TRHDE: variants seen among roughly 807,000 people sequenced by gnomAD.
TRHDE encodes the protein thyrotropin-releasing hormone-degrading ectoenzyme.
TRHDE carries 72 observed loss-of-function variants against 125.7 expected under a neutral mutation model. The ratio of observed to expected loss-of-function variants is 0.57; its 90% CI spans 0.47 to 0.70. The LOEUF is 0.70. Ranked by LOEUF, TRHDE falls within the 30% of genes least tolerant of loss-of-function variation. The probability of loss-of-function intolerance (pLI) is 0.00; values close to 1 mark genes in which losing one functional copy is unlikely to be tolerated. For missense variants in TRHDE, 1,110 were observed against 1,327.1 expected (o/e 0.84, Z 2.54); for synonymous variants, 509 against 509.1 (o/e 1.00, Z 0.00).
At chr12:72,170,721 C>T (rs1876854126) in intron 2 of TRHDE, among the ~76,000 whole-genome samples, 1 of 152,110 alleles carries the variant, frequency 6.6e-6, no homozygotes, top group African/African-American at 2.4e-5. Context: ...TTGGAGACCA[C>T]TTTAAGAATA....
At chr12:72,619,309 T>G (rs533347495) in intron 13 of TRHDE, among the ~76,000 whole-genome samples, 5 of 152,290 alleles carry the variant, frequency 3.3e-5, no homozygotes, top group African/African-American at 4.8e-5. Flanking sequence ...AAGTTCAAAC[T>G]TACTTTCCAA....
intron 2 of TRHDE, among the ~76,000 whole-genome samples, chr12:72,218,516 A>G (rs1196641846): frequency 6.6e-6 from 1 of 152,088 alleles, no homozygotes; most frequent in African/African-American, 2.4e-5. Flanking sequence ...AATTACTACT[A>G]ACTGGGTGGT....
In TRHDE at chr12:72,456,102, AATATT is replaced by A. The variant is rs776043590; in HGVS notation, c.1316-13651_1316-13647del. Among the ~76,000 whole-genome samples, 127 of 147,940 alleles carry A rather than the reference AATATT, an allele frequency of 8.6e-4. 2 individuals are homozygous for A. Among genetic ancestry groups the A allele is most frequent in the Middle Eastern group, 7.3e-3 (2 of 274 alleles). Reference sequence around the variant, plus strand: ...TCAGTATGTATATTTATATAATAGAAATATTATATAAATATAATATGTAATTACAC... The same window carrying A: ...TCAGTATGTATATTTATATAATAGAAATATAAATATAATATGTAATTACAC... On this transcript the variant is annotated intron_variant, in intron 3 of 18. Coordinates refer to ENST00000261180, the MANE Select transcript of TRHDE (RefSeq NM_013381.3).
At chr12:72,427,925 G>A (rs1459351688) in intron 3 of TRHDE, among the ~76,000 whole-genome samples, 1 of 152,112 alleles carries the variant, frequency 6.6e-6, no homozygotes, top group Non-Finnish European at 1.5e-5. Flanking sequence ...ACAACGTGAG[G>A]AAAACTCACA....
At chr12:72,239,929 T>G (rs1878440693) in intron 2 of TRHDE, among the ~76,000 whole-genome samples, 2 of 152,194 alleles carry the variant, frequency 1.3e-5, no homozygotes, top group South Asian at 4.1e-4. Context: ...AAGCTAGAAT[T>G]TTAATAGTGC....
intron 6 of TRHDE, among the ~76,000 whole-genome samples, chr12:72,540,984 G>T (rs1282735451): frequency 6.6e-6 from 1 of 151,522 alleles, no homozygotes; most frequent in South Asian, 2.1e-4. Flanking sequence ...TCTGAGTATT[G>T]CACTACATTC....
chr12:72,518,086 A>C (rs1878973344), intron 6 of TRHDE, among the ~76,000 whole-genome samples: 1 of 149,748 alleles, frequency 6.7e-6, no homozygotes, highest in Non-Finnish European at 1.5e-5. Context: ...ATTTTAGAAT[A>C]GGTGTGGTGT....
intron 6 of TRHDE, 67 bp from the exon 7 acceptor site, chr12:72,542,224 A>T: frequency 8.0e-7 from 1 of 1,256,820 alleles, no homozygotes; most frequent in Non-Finnish European, 1.1e-6. Context: ...ACTAGATTTG[A>T]GTAAAACAAC....
At position 72,669,161 on chromosome 12, in the gene TRHDE, A is replaced by G. The variant is rs575956685; in HGVS notation, c.*5966A>G. The G allele has an allele frequency of 1.3e-5, 2 of 151,892 alleles. No individual in the cohort carries two copies. Among genetic ancestry groups the G allele is most frequent in the African/African-American group, 4.8e-5 (2 of 41,508 alleles). 9.4% of individuals were successfully genotyped at this position (151,892 alleles called of 1,614,324 possible). A position where few individuals can be genotyped will look rare whatever the true frequency, so the allele number is the denominator to read the frequency against. On this transcript the variant is annotated 3_prime_UTR_variant, in exon 19 of 19. Coordinates refer to ENST00000261180, the MANE Select transcript of TRHDE (RefSeq NM_013381.3). ...AAAAATAAGTGAAAAGACAGAATAA[A>G]TTGCAAAGGTTTTACGAGTGGACCA... is the stretch of plus-strand genomic sequence containing the variant.
At chr12:72,110,393 C>A (rs567260013) in intron 2 of TRHDE, among the ~76,000 whole-genome samples, 20 of 151,942 alleles carry the variant, frequency 1.3e-4, no homozygotes, top group South Asian at 4.1e-4. Flanking sequence ...GTGGATTGAA[C>A]CTGCTCAGGT....
chr12:72,571,672 C>T (rs550034300), intron 10 of TRHDE, among the ~76,000 whole-genome samples: 37 of 151,960 alleles, frequency 2.4e-4, no homozygotes, highest in African/African-American at 7.0e-4. Context: ...ATTCAATTAA[C>T]GGTTCATGGA....
At chr12:72,537,228 T>C (rs1868909697) in intron 6 of TRHDE, among the ~76,000 whole-genome samples, 1 of 152,198 alleles carries the variant, frequency 6.6e-6, no homozygotes, top group East Asian at 1.9e-4. Context: ...AGATACATTA[T>C]TGATGACTTC....
At chr12:72,657,171 T>C (rs564200040) in intron 18 of TRHDE, among the ~76,000 whole-genome samples, 163 bp downstream of exon 18, 2 of 152,092 alleles carry the variant, frequency 1.3e-5, no homozygotes, top group Admixed American at 6.6e-5. Context: ...ATTCATAATT[T>C]GCAAAGAGTA....
intron 2 of TRHDE, among the ~76,000 whole-genome samples, chr12:72,376,424 A>G (rs746401980): frequency 6.6e-5 from 10 of 152,144 alleles, no homozygotes; most frequent in Non-Finnish European, 1.5e-4. Flanking sequence ...CCTAACCACT[A>G]CCTTCTTAAG....
chr12:72,517,962 A>T (rs1878966885), intron 6 of TRHDE, among the ~76,000 whole-genome samples: 1 of 151,628 alleles, frequency 6.6e-6, no homozygotes, highest in Admixed American at 6.6e-5. Context: ...GTTTTGAGTG[A>T]GATTCTTAAT....
At chr12:72,349,629 A>C (rs1431671342) in intron 2 of TRHDE, among the ~76,000 whole-genome samples, 1 of 151,968 alleles carries the variant, frequency 6.6e-6, no homozygotes, top group Non-Finnish European at 1.5e-5. Context: ...CTGACTTTAC[A>C]CTGAGGCCTA....
chr12:72,483,022 T>G (rs1385861488), intron 5 of TRHDE, among the ~76,000 whole-genome samples: 2 of 152,000 alleles, frequency 1.3e-5, no homozygotes, highest in Non-Finnish European at 2.9e-5. Flanking sequence ...TGCTAAGTAT[T>G]TTGCTGGCAT....
intron 2 of TRHDE, among the ~76,000 whole-genome samples, chr12:72,335,694 T>A (rs79842100): frequency 0.013 from 2,013 of 152,326 alleles, 45 homozygotes; most frequent in African/African-American, 0.046. Context: ...TTGAACTGAT[T>A]GAATGAAACA....
At chr12:72,380,790 C>G (rs1038371705) in intron 3 of TRHDE, among the ~76,000 whole-genome samples, 10 of 131,708 alleles carry the variant, frequency 7.6e-5, no homozygotes, top group African/African-American at 3.3e-4. Flanking sequence ...TTCCTTCCTT[C>G]CTTCCTTCCT....
Sources: gnomAD v4.1 joint callset for allele counts (sites outside exome capture counted in the v4.1 genomes callset) on GRCh38, gnomAD v4.1.1 for gene constraint, MANE v1.5 for transcripts, NCBI Gene and HGNC (gene_info 2026-07-23, HGNC 2026-07-21) for gene names.